AUTS2: variants seen among roughly 807,000 people sequenced by gnomAD.
AUTS2 encodes the protein activator of transcription and developmental regulator AUTS2.
In AUTS2, 17 loss-of-function variants were observed where a neutral mutation model predicts 112.4. The observed-to-expected ratio is 0.15, with a 90% CI of 0.10 to 0.23. The LOEUF (loss-of-function observed/expected upper bound fraction) is 0.23, where lower values mean the gene tolerates loss of function less well. Among genes scored for constraint, AUTS2 ranks in the 10% least tolerant of loss-of-function variants. The pLI, the probability that AUTS2 is intolerant of heterozygous loss-of-function variation, is 1.00. For synonymous variants in AUTS2, 751 were observed against 702.7 expected (o/e 1.07, Z -1.09); for missense variants, 1,510 against 1,701.6 (o/e 0.89, Z 1.98).
chr7:70,059,440 GA>G (rs1044869963), intron 2 of AUTS2, among the ~76,000 whole-genome samples: 1 of 152,120 alleles, frequency 6.6e-6, no homozygotes, highest in African/African-American at 2.4e-5. Context: ...TCAATTATGG[GA>G]AAAAGCTACT....
chr7:70,776,786 G>T (rs751276163), intron 13 of AUTS2: 2 of 401,988 alleles, frequency 5.0e-6, no homozygotes, highest in East Asian at 1.1e-4. Flanking sequence ...TCTGCCAGCT[G>T]GCAGCAGAAA....
chr7:70,664,762 T>C (rs1465386682), intron 5 of AUTS2, among the ~76,000 whole-genome samples: 1 of 152,162 alleles, frequency 6.6e-6, no homozygotes, highest in East Asian at 1.9e-4. Context: ...CAAGGACACA[T>C]TGAACTCCTT....
intron 5 of AUTS2, among the ~76,000 whole-genome samples, chr7:70,606,863 GAA>G (rs35779844): frequency 5.3e-4 from 47 of 89,438 alleles, no homozygotes; most frequent in African/African-American, 8.4e-4. Flanking sequence ...TCTGTCTCAA[GAA>G]AAAAAAAAAA....
At chr7:70,781,251 CT>C (rs1168142033) in intron 14 of AUTS2, among the ~76,000 whole-genome samples, 1 of 150,666 alleles carries the variant, frequency 6.6e-6, no homozygotes, top group Admixed American at 6.7e-5. Context: ...ATCCCAGCTA[CT>C]TGGGAGGCTG....
chr7:70,483,027 C>G (rs922151970), intron 5 of AUTS2, among the ~76,000 whole-genome samples: 1 of 151,902 alleles, frequency 6.6e-6, no homozygotes, highest in Non-Finnish European at 1.5e-5. Context: ...TCTGCATGGC[C>G]CCTTCTTTGT....
chr7:69,674,196 A>G (rs1479835627), intron 1 of AUTS2, among the ~76,000 whole-genome samples: 1 of 152,186 alleles, frequency 6.6e-6, no homozygotes, highest in Non-Finnish European at 1.5e-5. Flanking sequence ...CTTGTTGTTT[A>G]TGAAACTTCA....
chr7:70,355,714 A>T (rs114782194), intron 4 of AUTS2, among the ~76,000 whole-genome samples: 2,387 of 152,280 alleles, frequency 0.016, 20 homozygotes, highest in Middle Eastern at 0.031. Flanking sequence ...TTATGGCTCT[A>T]GCAGACATGG....
rs1795510535 is a variant in AUTS2 at position 69,655,939 on chromosome 7, G to T, written c.309+55977G>T. ...AGTTGTATGGGGCAGAGGAGAAGAG[G>T]CATGGGGACAGAAACCTTATATCCC... On this transcript the variant is annotated intron_variant, in intron 1 of 18. Coordinates refer to ENST00000342771, the MANE Select transcript of AUTS2 (RefSeq NM_015570.4). 1.3e-5 allele frequency among the ~76,000 whole-genome samples: 2 copies of T among 152,188 alleles called. 1 individual carries two copies. Among genetic ancestry groups the T allele is most frequent in the South Asian group, 4.1e-4 (2 of 4,832 alleles).
At chr7:70,657,926 T>C (rs1002315847) in intron 5 of AUTS2, among the ~76,000 whole-genome samples, 1 of 152,204 alleles carries the variant, frequency 6.6e-6, no homozygotes, top group Non-Finnish European at 1.5e-5. Context: ...GTGACTCGTT[T>C]CCCAATCTAT....
At position 70,727,882 on chromosome 7, in the gene AUTS2, CA is replaced by C. The variant is rs985508512; in HGVS notation, c.742+29265del. 5.0e-4 allele frequency among the ~76,000 whole-genome samples: 76 copies of C among 152,156 alleles called. 2 individuals are homozygous for C. Among genetic ancestry groups the C allele is most frequent in the Non-Finnish European group, 1.2e-4 (8 of 68,040 alleles). Reference sequence around the variant, plus strand: ...CCATTTGTGGATAAGTGTGATTGGACAAAGGCCAGGATCTGCAGGTAATACA... The same window carrying C: ...CCATTTGTGGATAAGTGTGATTGGACAAGGCCAGGATCTGCAGGTAATACA... On this transcript the variant is annotated intron_variant, in intron 6 of 18. Transcript: ENST00000342771.
At chr7:70,237,659 CTT>C (rs1812397542) in intron 4 of AUTS2, among the ~76,000 whole-genome samples, 1 of 152,146 alleles carries the variant, frequency 6.6e-6, no homozygotes, top group African/African-American at 2.4e-5. Flanking sequence ...TTCTCCCCCT[CTT>C]TGTGAAATTC....
intron 2 of AUTS2, among the ~76,000 whole-genome samples, chr7:69,954,390 C>T (rs558859216): frequency 3.9e-5 from 6 of 152,192 alleles, no homozygotes; most frequent in East Asian, 3.9e-4. Flanking sequence ...CAAGCAGTCC[C>T]GCCATCTCAG....
At chr7:70,689,420 G>A (rs534541046) in intron 5 of AUTS2, among the ~76,000 whole-genome samples, 21 of 151,908 alleles carry the variant, frequency 1.4e-4, no homozygotes, top group African/African-American at 4.3e-4. Flanking sequence ...GGAGACCCAA[G>A]CTATCCACTG....
At chr7:70,242,403 C>T (rs1812664834) in intron 4 of AUTS2, among the ~76,000 whole-genome samples, 1 of 152,174 alleles carries the variant, frequency 6.6e-6, no homozygotes, top group African/African-American at 2.4e-5. Context: ...TTTCTTCCTT[C>T]TTCCATCCAT....
chr7:70,058,448 C>T (rs917717), intron 2 of AUTS2, among the ~76,000 whole-genome samples: 38,408 of 151,976 alleles, frequency 0.25, 4,830 homozygotes, highest in Middle Eastern at 0.34. Context: ...CCCCCCGCTA[C>T]GCATAGCATT....
At chr7:69,603,851 G>T (rs1353458462) in intron 1 of AUTS2, among the ~76,000 whole-genome samples, 1 of 152,200 alleles carries the variant, frequency 6.6e-6, no homozygotes, top group Non-Finnish European at 1.5e-5. Flanking sequence ...ACTACCATCA[G>T]TGTGTCCTGA....
chr7:70,181,384 GACAA>G (rs1462656718), intron 4 of AUTS2, among the ~76,000 whole-genome samples: 2 of 152,118 alleles, frequency 1.3e-5, no homozygotes, highest in Non-Finnish European at 2.9e-5. Flanking sequence ...GCTTTAGAGA[GACAA>G]ACAGGCAAAT....
At chr7:70,055,989 T>C (rs549797605) in intron 2 of AUTS2, among the ~76,000 whole-genome samples, 11 of 152,032 alleles carry the variant, frequency 7.2e-5, no homozygotes, top group African/African-American at 2.7e-4. Context: ...CGGCCTTTTT[T>C]ATTGTTATTT....
At chr7:70,647,266 A>T (rs1806222252) in intron 5 of AUTS2, among the ~76,000 whole-genome samples, 1 of 152,192 alleles carries the variant, frequency 6.6e-6, no homozygotes, top group South Asian at 2.1e-4. Context: ...CACACAGCGA[A>T]AAACACTAGA....
Sources: allele counts gnomAD v4.1 joint callset (sites outside exome capture counted in the v4.1 genomes callset), GRCh38; gene constraint gnomAD v4.1.1; transcripts MANE v1.5; gene names NCBI Gene and HGNC (gene_info 2026-07-23, HGNC 2026-07-21).